The following ZDHHC17 variants were observed in gnomAD, a reference collection of about 807,000 sequenced individuals.
ZDHHC17 encodes zDHHC palmitoyltransferase 17, also known as palmitoyltransferase ZDHHC17.
In ZDHHC17, 40 loss-of-function variants were observed where a neutral mutation model predicts 90.3. The observed-to-expected ratio is 0.44, with a 90% CI of 0.34 to 0.58. ZDHHC17 has a LOEUF of 0.58. ZDHHC17 is among the 20% of genes least tolerant of loss of function. ZDHHC17 has a pLI of 0.01. For synonymous variants in ZDHHC17, 235 were observed against 252.4 expected, an observed-to-expected ratio of 0.93 and a Z score of 0.65; for missense variants, 614 against 780.8, an observed-to-expected ratio of 0.79 and a Z score of 2.55.
Position 76,789,917 on chromosome 12 carries a change from C to T in ZDHHC17, c.94-7517C>T, listed in dbSNP as rs529389630. Among the ~76,000 whole-genome samples the T allele has an allele frequency of 4.6e-5, 7 of 152,144 alleles. No homozygotes were observed. In the South Asian group the frequency reaches 1.0e-3, roughly 23 times the overall value. ...AGAGTAGCCTAGGGAGCCATGATAA[C>T]GACATGTAAGGTAGTATCCTGGATG... On this transcript the variant is annotated intron_variant, in intron 1 of 16. Transcript: ENST00000426126.
At chr12:76,819,571 G>A (rs909982861) in intron 7 of ZDHHC17, among the ~76,000 whole-genome samples, 1 of 152,056 alleles carries the variant, frequency 6.6e-6, no homozygotes, top group Non-Finnish European at 1.5e-5. Context: ...TTCTATATAT[G>A]ATTAAGTGTC....
intron 2 of ZDHHC17, among the ~76,000 whole-genome samples, chr12:76,798,588 C>T (rs890275151): frequency 5.9e-5 from 9 of 152,004 alleles, no homozygotes; most frequent in African/African-American, 1.7e-4. Context: ...TGTATTACTC[C>T]GTTCTCTCAC....
intron 5 of ZDHHC17, among the ~76,000 whole-genome samples, chr12:76,813,905 T>C (rs886195237): frequency 3.3e-5 from 5 of 152,076 alleles, no homozygotes; most frequent in African/African-American, 1.2e-4. Flanking sequence ...TCATAGCAAT[T>C]ATATGATGGA....
chr12:76,782,068 C>G (rs577711476), intron 1 of ZDHHC17, among the ~76,000 whole-genome samples: 1 of 152,242 alleles, frequency 6.6e-6, no homozygotes, highest in African/African-American at 2.4e-5. Flanking sequence ...ATGATTTGTT[C>G]TGGAACTTTA....
chr12:76,851,525 G>A lies in ZDHHC17; in HGVS notation c.*540G>A, dbSNP rs1483390346. ...ATCTACTGTGATGTTGTCTTCAAAG[G>A]CAGGAGAAAATAATGTTCACAATAA... On this transcript the variant is annotated 3_prime_UTR_variant, in exon 17 of 17. Coordinates refer to ENST00000426126, the MANE Select transcript of ZDHHC17 (RefSeq NM_015336.4). 1 of 152,746 alleles carries A rather than the reference G, an allele frequency of 6.5e-6. No homozygotes were observed. The highest frequency in any genetic ancestry group is 1.9e-4 in the East Asian group (1 of 5,198). The allele number at this position is 152,746 out of a possible 1,614,324, so 9.5% of individuals were successfully genotyped here.
In ZDHHC17 at chr12:76,851,116, C is replaced by A. The variant is rs933354045; in HGVS notation, c.*131C>A. 6.2e-6 allele frequency: 7 copies of A among 1,130,742 alleles called. No individual in the cohort carries two copies. Among genetic ancestry groups the A allele is most frequent in the Non-Finnish European group, 8.5e-6 (7 of 820,274 alleles). The allele number at this position is 1,130,742 out of a possible 1,614,324, so 70.0% of individuals were successfully genotyped here. ...TGTGTAGGGCTAATGGTGAATTTTA[C>A]AGTCTTTTTTTCAACACTTTTATTA... On this transcript the variant is annotated 3_prime_UTR_variant, in exon 17 of 17. Transcript: ENST00000426126.
chr12:76,804,668 A>G (rs1218098173), intron 2 of ZDHHC17, among the ~76,000 whole-genome samples: 3 of 152,186 alleles, frequency 2.0e-5, no homozygotes, highest in African/African-American at 7.2e-5. Context: ...AAGGGGGATA[A>G]TAAAACTTAG....
intron 1 of ZDHHC17, among the ~76,000 whole-genome samples, chr12:76,790,276 T>C (rs1952744743): frequency 1.3e-5 from 2 of 151,974 alleles, no homozygotes; most frequent in Admixed American, 1.3e-4. Flanking sequence ...CCGAGGTGGG[T>C]GGATCACTTG....
At chr12:76,827,991 T>G (rs1025605975) in intron 9 of ZDHHC17, among the ~76,000 whole-genome samples, 4 of 152,070 alleles carry the variant, frequency 2.6e-5, no homozygotes, top group African/African-American at 9.7e-5. Context: ...TAAGGAGAAA[T>G]AATGATGAAA....
chr12:76,797,660 G>T, intron 2 of ZDHHC17, 123 bp downstream of exon 2: 2 of 699,654 alleles, frequency 2.9e-6, no homozygotes, highest in Non-Finnish European at 2.1e-6. Context: ...ATTAGTTTAT[G>T]GGCCGGTTGC....
chr12:76,831,938 C>G (rs1953306722), intron 10 of ZDHHC17, among the ~76,000 whole-genome samples: 1 of 152,204 alleles, frequency 6.6e-6, no homozygotes, highest in Non-Finnish European at 1.5e-5. Context: ...GAGCCCATGC[C>G]TAGCTCACAG....
chr12:76,841,736 T>G (rs1454169057), intron 10 of ZDHHC17, among the ~76,000 whole-genome samples: 1 of 152,102 alleles, frequency 6.6e-6, no homozygotes, highest in Non-Finnish European at 1.5e-5. Context: ...TGTCAAAAAA[T>G]TAGTCATTTA....
At chr12:76,824,993 C>T (rs1384432994) in intron 8 of ZDHHC17, among the ~76,000 whole-genome samples, 14 of 150,698 alleles carry the variant, frequency 9.3e-5, no homozygotes, top group Admixed American at 2.0e-4. Flanking sequence ...GGCATATTTA[C>T]GGTTAAATAA....
At chr12:76,809,254 T>C (rs1029500383) in intron 4 of ZDHHC17, 134 bp downstream of exon 4, 1 of 547,200 alleles carries the variant, frequency 1.8e-6, no homozygotes, top group African/African-American at 2.0e-5. Flanking sequence ...AATATGCTGA[T>C]GTTTTATTGT....
At position 76,826,901 on chromosome 12, in the gene ZDHHC17, T is replaced by C. The variant is rs752010333; in HGVS notation, c.898-7T>C. On this transcript the variant is annotated splice_polypyrimidine_tract_variant and splice_region_variant and intron_variant, in intron 8 of 16. Transcript: ENST00000426126. ...AAAAACTTTTCTAATTTTTTGTTTC[T>C]ATACAGGAATTTCGGCAGAAAGTAA... The C allele has an allele frequency of 6.6e-7, 1 of 1,513,654 alleles. No individual in the cohort carries two copies. The highest frequency in any genetic ancestry group is 1.3e-5 in the South Asian group (1 of 74,568). The allele number at this position is 1,513,654 out of a possible 1,614,324, so 93.8% of individuals were successfully genotyped here.
intron 1 of ZDHHC17, among the ~76,000 whole-genome samples, chr12:76,775,343 A>G (rs1415393605): frequency 4.6e-5 from 7 of 152,210 alleles, no homozygotes; most frequent in African/African-American, 1.7e-4. Context: ...GAAATGCTAT[A>G]TTTCAGTGTT....
At chr12:76,810,534 A>G (rs972219465) in intron 5 of ZDHHC17, among the ~76,000 whole-genome samples, 1 of 152,222 alleles carries the variant, frequency 6.6e-6, no homozygotes, top group Non-Finnish European at 1.5e-5. Context: ...GTTGCTATCA[A>G]CATGTATTTA....
rs575266561 is a variant in ZDHHC17, at chr12:76,801,386, G to T, written c.197+3849G>T. Among the ~76,000 whole-genome samples the T allele has an allele frequency of 6.6e-5, 10 of 151,784 alleles. 1 individual carries two copies. The highest frequency in any genetic ancestry group is 2.4e-4 in the African/African-American group (10 of 41,438). On this transcript the variant is annotated intron_variant, in intron 2 of 16. Transcript: ENST00000426126. ...TCCTAAAGTTGGGCCGGGCACGGTG[G>T]CTCATGCCTGTAATCCCAGCACTTT...
Position 76,797,514 on chromosome 12 carries a change from A to T in ZDHHC17, c.174A>T (p.Thr58=). Residue 58 remains threonine, a synonymous_variant, in exon 2 of 17, where the codon ACA becomes ACT. Coordinates refer to ENST00000426126, the MANE Select transcript of ZDHHC17 (RefSeq NM_015336.4). ...AAACTCATATTGATGATTACAGCAC[A>T]TGGGACATAGTCAAGGCTACACAGT... ...GRKTHIDDYS[T]WDIVKATQYG... The T allele has an allele frequency of 6.2e-7, 1 of 1,608,702 alleles. No homozygotes were observed.
Sources: gnomAD v4.1 joint callset for allele counts (sites outside exome capture counted in the v4.1 genomes callset) on GRCh38, gnomAD v4.1.1 for gene constraint, MANE v1.5 for transcripts, NCBI Gene and HGNC (gene_info 2026-07-23, HGNC 2026-07-21) for gene names.